The following DYM variants were observed in gnomAD, a reference collection of about 807,000 sequenced individuals.
DYM encodes the protein dymeclin.
In DYM, 78 loss-of-function variants were observed where a neutral mutation model predicts 93.1. That is an observed-to-expected ratio of 0.84 (90% confidence interval 0.70 to 1.01). DYM has a LOEUF of 1.01. Among genes scored for constraint, DYM ranks in the 50% least tolerant of loss-of-function variants. The pLI, the probability that DYM is intolerant of heterozygous loss-of-function variation, is 0.00. For missense variants in DYM, 789 were observed against 845.0 expected, an observed-to-expected ratio of 0.93 and a Z score of 0.82; for synonymous variants, 321 against 319.7, an observed-to-expected ratio of 1.00 and a Z score of -0.04.
intron 1 of DYM, among the ~76,000 whole-genome samples, chr18:49,444,107 G>A (rs573448933): frequency 6.6e-6 from 1 of 152,296 alleles, no homozygotes; most frequent in South Asian, 2.1e-4. Context: ...CTTGTGAAAT[G>A]TAAGGTGTTT....
intron 9 of DYM, among the ~76,000 whole-genome samples, chr18:49,284,511 A>C (rs2145794597): frequency 6.6e-6 from 1 of 152,076 alleles, no homozygotes; most frequent in African/African-American, 2.4e-5. Flanking sequence ...TATACTGAAT[A>C]CCTGCTTTGT....
At chr18:49,436,411 T>C (rs867235746) in intron 1 of DYM, among the ~76,000 whole-genome samples, 5 of 152,346 alleles carry the variant, frequency 3.3e-5, no homozygotes, top group Middle Eastern at 6.8e-3. Flanking sequence ...GGATTCTGCA[T>C]TAATTTCATT....
intron 11 of DYM, among the ~76,000 whole-genome samples, chr18:49,266,389 G>A (rs2094571008): frequency 6.6e-6 from 1 of 152,192 alleles, no homozygotes; most frequent in Non-Finnish European, 1.5e-5. Flanking sequence ...GCTGAGATAG[G>A]CAAATCATTT....
At chr18:49,351,054 A>G (rs1209199225) in intron 6 of DYM, among the ~76,000 whole-genome samples, 1 of 152,210 alleles carries the variant, frequency 6.6e-6, no homozygotes, top group South Asian at 2.1e-4. Context: ...AGAGACTTAA[A>G]AAGTTGAGAT....
rs530604338 is a variant in DYM at position 49,386,447 on chromosome 18, G to A, written c.193+5146C>T. Among the ~76,000 whole-genome samples the A allele has an allele frequency of 5.9e-5, 9 of 152,228 alleles. No homozygotes were observed. In the East Asian group the frequency reaches 9.6e-4, roughly 16 times the overall value. ...TATTAATAGCATGTCCCCTTGATAC[G>A]GTGTGTTGAGAACAGCACTTCACCT... is the stretch of plus-strand genomic sequence containing the variant. On this transcript the variant is annotated intron_variant, in intron 3 of 17. Transcript: ENST00000675505.
At chr18:49,165,615 G>A (rs2087767876) in intron 14 of DYM, among the ~76,000 whole-genome samples, 1 of 151,978 alleles carries the variant, frequency 6.6e-6, no homozygotes, top group Admixed American at 6.6e-5. Flanking sequence ...ACATTTATTG[G>A]TAATGTTAGA....
chr18:49,249,825 A>T (rs889962714), intron 13 of DYM, among the ~76,000 whole-genome samples: 2 of 152,250 alleles, frequency 1.3e-5, no homozygotes, highest in African/African-American at 4.8e-5. Context: ...TGGCTGTGAG[A>T]AAAAGTGAAA....
intron 14 of DYM, among the ~76,000 whole-genome samples, chr18:49,177,724 T>C (rs978060207): frequency 6.6e-6 from 1 of 152,168 alleles, no homozygotes; most frequent in African/African-American, 2.4e-5. Flanking sequence ...TCTTCCTTTA[T>C]CTTTTGTTTG....
At chr18:49,419,276 T>C (rs930734077) in intron 2 of DYM, among the ~76,000 whole-genome samples, 1 of 152,064 alleles carries the variant, frequency 6.6e-6, no homozygotes, top group Admixed American at 6.5e-5. Flanking sequence ...AGGGAATTGC[T>C]TGAACCTGGG....
At chr18:49,323,079 G>C (rs1346679181) in intron 8 of DYM, among the ~76,000 whole-genome samples, 1 of 152,132 alleles carries the variant, frequency 6.6e-6, no homozygotes, top group East Asian at 1.9e-4. Flanking sequence ...AATGTAAGTG[G>C]TGGCCCTCAA....
chr18:49,104,947 T>C (rs1222182447), intron 16 of DYM, among the ~76,000 whole-genome samples: 1 of 152,248 alleles, frequency 6.6e-6, no homozygotes, highest in Non-Finnish European at 1.5e-5. Flanking sequence ...GAGGATTCCC[T>C]CTTTTTCTAT....
intron 14 of DYM, among the ~76,000 whole-genome samples, chr18:49,201,389 G>C: frequency 6.6e-6 from 1 of 151,712 alleles, no homozygotes; most frequent in East Asian, 1.9e-4. Context: ...GGTAGTCTAT[G>C]TGTTGGTCTA....
chr18:49,316,024 G>A (rs2061909013), intron 8 of DYM, among the ~76,000 whole-genome samples: 1 of 152,182 alleles, frequency 6.6e-6, no homozygotes, highest in African/African-American at 2.4e-5. Context: ...GCTCACGCCT[G>A]TAATCCCAGT....
At chr18:49,249,467 A>G (rs971655966) in intron 13 of DYM, among the ~76,000 whole-genome samples, 4 of 152,204 alleles carry the variant, frequency 2.6e-5, no homozygotes, top group African/African-American at 7.2e-5. Flanking sequence ...AAAAAAACCC[A>G]TGAAAACTTA....
chr18:49,313,754 T>C (rs2061755812), intron 8 of DYM, among the ~76,000 whole-genome samples: 1 of 152,118 alleles, frequency 6.6e-6, no homozygotes, highest in South Asian at 2.1e-4. Flanking sequence ...AAGAACCCTC[T>C]CTTGGGATCT....
intron 16 of DYM, among the ~76,000 whole-genome samples, chr18:49,103,710 T>C (rs2080443791): frequency 2.6e-5 from 4 of 152,180 alleles, no homozygotes; most frequent in Admixed American, 2.6e-4. Flanking sequence ...TTGTCAAAGA[T>C]CAGATGGTTG....
chr18:49,106,718 A>G (rs1011314520), intron 16 of DYM, among the ~76,000 whole-genome samples: 28 of 152,210 alleles, frequency 1.8e-4, no homozygotes, highest in African/African-American at 6.0e-4. Flanking sequence ...TTCTTTAAGA[A>G]TGTTGAATAT....
chr18:49,151,681 C>T (rs528197858), intron 15 of DYM, among the ~76,000 whole-genome samples: 3 of 152,106 alleles, frequency 2.0e-5, no homozygotes, highest in Admixed American at 1.3e-4. Flanking sequence ...TTCCAGATGA[C>T]GCTTGAGGGG....
intron 11 of DYM, among the ~76,000 whole-genome samples, chr18:49,269,072 T>C (rs1199982852): frequency 6.6e-6 from 1 of 152,086 alleles, no homozygotes; most frequent in Non-Finnish European, 1.5e-5. Context: ...AGGGCTAGTA[T>C]CTAAAATATA....
Sources: gnomAD v4.1 joint callset for allele counts (sites outside exome capture counted in the v4.1 genomes callset) on GRCh38, gnomAD v4.1.1 for gene constraint, MANE v1.5 for transcripts, NCBI Gene and HGNC (gene_info 2026-07-23, HGNC 2026-07-21) for gene names.